Variants in NUDT2 observed in about 807,000 individuals in gnomAD.
NUDT2 encodes bis(5'-nucleosyl)-tetraphosphatase [asymmetrical].
A neutral mutation model predicts 14.2 loss-of-function variants in NUDT2; 12 were observed. That is an observed-to-expected ratio of 0.84 (90% CI 0.54 to 1.37). The LOEUF (loss-of-function observed/expected upper bound fraction) is 1.37, where lower values mean the gene tolerates loss of function less well. Ranked by LOEUF, NUDT2 falls within the 40% of genes most tolerant of loss-of-function variation. NUDT2 has a pLI of 0.00. For synonymous variants in NUDT2, 67 were observed against 67.4 expected, an observed-to-expected ratio of 0.99 and a Z score of 0.03; for missense variants, 167 against 176.7, an observed-to-expected ratio of 0.95 and a Z score of 0.31.
intron 1 of NUDT2, among the ~76,000 whole-genome samples, chr9:34,333,727 C>G (rs767239760): frequency 3.3e-5 from 5 of 149,760 alleles, no homozygotes; most frequent in Non-Finnish European, 7.4e-5. Context: ...TGTCCTCTCT[C>G]AGGGCCATTT....
At chr9:34,339,769 A>G (rs1366786115) in intron 4 of NUDT2, among the ~76,000 whole-genome samples, 2 of 152,038 alleles carry the variant, frequency 1.3e-5, no homozygotes, top group Non-Finnish European at 2.9e-5. Context: ...CTTGAGCTCG[A>G]GAGATCAAAG....
chr9:34,341,630 C>T (rs112207546), intron 4 of NUDT2, among the ~76,000 whole-genome samples: 22 of 152,230 alleles, frequency 1.4e-4, no homozygotes, highest in Non-Finnish European at 5.9e-5. Flanking sequence ...CTGCCTCAGC[C>T]TCCCGAGTAG....
In NUDT2 at chr9:34,342,405, T is replaced by C. The variant is rs202129277; in HGVS notation, c.128-719T>C. ...TCCTCGTCAGCTAACTTCCACTTGT[T>C]AAGAAAGGACTTCCCCCTCCTTGGA... On this transcript the variant is annotated intron_variant, in intron 4 of 4. Transcript: ENST00000379158. Among the ~76,000 whole-genome samples, 4 of 152,264 alleles carry C rather than the reference T, an allele frequency of 2.6e-5. No individual in the cohort carries two copies. In the East Asian group the frequency reaches 7.7e-4, roughly 29 times the overall value.
At chr9:34,330,421 A>C (rs1837876392) in intron 1 of NUDT2, among the ~76,000 whole-genome samples, 2 of 151,108 alleles carry the variant, frequency 1.3e-5, no homozygotes, top group African/African-American at 4.9e-5. Context: ...AAAACAAAAC[A>C]AAAAAAAACT....
At chr9:34,340,365 A>C (rs1425743540) in intron 4 of NUDT2, among the ~76,000 whole-genome samples, 1 of 152,150 alleles carries the variant, frequency 6.6e-6, no homozygotes. Flanking sequence ...TTGTGGCAGG[A>C]GTGGAGGAGT....
At chr9:34,339,198 C>G in intron 4 of NUDT2, 32 bp downstream of exon 4, 2 of 1,600,902 alleles carry the variant, frequency 1.2e-6, no homozygotes, top group Non-Finnish European at 1.7e-6. Context: ...TCTTGGGAAA[C>G]TGCCAACCAC....
chr9:34,338,874 C>T (rs1838165393), intron 3 of NUDT2, 27 bp downstream of exon 3: 1 of 577,364 alleles, frequency 1.7e-6, no homozygotes, highest in East Asian at 2.9e-5. Flanking sequence ...TGGATGCCTT[C>T]CATTGGTCCT....
intron 4 of NUDT2, among the ~76,000 whole-genome samples, chr9:34,342,820 C>T (rs1820224939): frequency 6.6e-6 from 1 of 151,852 alleles, no homozygotes; most frequent in Non-Finnish European, 1.5e-5. Context: ...AGTTTGAGAC[C>T]AGCCTGGGAA....
At chr9:34,342,163 T>G (rs975816204) in intron 4 of NUDT2, among the ~76,000 whole-genome samples, 6 of 152,256 alleles carry the variant, frequency 3.9e-5, no homozygotes, top group Non-Finnish European at 8.8e-5. Flanking sequence ...GGTTCTCAGC[T>G]GGCCCTTAGT....
chr9:34,337,199 C>T (rs1265496571), intron 2 of NUDT2, among the ~76,000 whole-genome samples: 1 of 151,988 alleles, frequency 6.6e-6, no homozygotes, highest in Non-Finnish European at 1.5e-5. Flanking sequence ...GGGGTTTCTC[C>T]ATGTTAGTCA....
At chr9:34,334,735 CTG>C (rs1415486334) in intron 1 of NUDT2, among the ~76,000 whole-genome samples, 1 of 152,234 alleles carries the variant, frequency 6.6e-6, no homozygotes, top group African/African-American at 2.4e-5. Context: ...AGCTTATAAT[CTG>C]TCTCTTCCCT....
At chr9:34,342,594 G>T (rs989829501) in intron 4 of NUDT2, among the ~76,000 whole-genome samples, 2 of 152,156 alleles carry the variant, frequency 1.3e-5, no homozygotes, top group African/African-American at 4.8e-5. Flanking sequence ...TTCACTCTCT[G>T]CAGAGAAGAG....
intron 1 of NUDT2, among the ~76,000 whole-genome samples, chr9:34,333,722 T>A (rs1417536805): frequency 2.0e-5 from 3 of 148,400 alleles, no homozygotes; most frequent in African/African-American, 7.4e-5. Context: ...TTGTCTGTCC[T>A]CTCTCAGGGC....
chr9:34,337,247 G>A (rs887935191), intron 2 of NUDT2, among the ~76,000 whole-genome samples: 3 of 152,008 alleles, frequency 2.0e-5, no homozygotes, highest in East Asian at 1.9e-4. Flanking sequence ...TGATCTACCC[G>A]CCTTGGCCTC....
At chr9:34,339,782 G>A (rs940510531) in intron 4 of NUDT2, among the ~76,000 whole-genome samples, 2 of 152,098 alleles carry the variant, frequency 1.3e-5, no homozygotes, top group Admixed American at 1.3e-4. Context: ...GATCAAAGCT[G>A]CAGTGAGCCG....
chr9:34,337,882 A>G (rs1395094899), intron 2 of NUDT2, among the ~76,000 whole-genome samples: 2 of 151,856 alleles, frequency 1.3e-5, no homozygotes, highest in East Asian at 3.9e-4. Flanking sequence ...TCTGTCGCCA[A>G]GCTGGAGTGC....
At chr9:34,332,723 C>T (rs1837979248) in intron 1 of NUDT2, among the ~76,000 whole-genome samples, 1 of 152,198 alleles carries the variant, frequency 6.6e-6, no homozygotes, top group African/African-American at 2.4e-5. Flanking sequence ...AATGACTCAG[C>T]AGCTTCGTCT....
At chr9:34,338,355 A>AAAAAAAAAAAAT (rs1223787360) in intron 2 of NUDT2, among the ~76,000 whole-genome samples, 1 of 138,308 alleles carries the variant, frequency 7.2e-6, no homozygotes, top group African/African-American at 2.6e-5. Context: ...AAAAAAAAAA[A>AAAAAAAAAAAAT]AATTGGCCAG....
chr9:34,338,842 A>G lies in NUDT2; in HGVS notation c.-22A>G. ...AGTTGCCAGGGTCCTGCAGTTATACACAAAGGTCAGTCTCTGATTCCTGGA... is the reference window on the plus strand; with the variant it reads ...AGTTGCCAGGGTCCTGCAGTTATACGCAAAGGTCAGTCTCTGATTCCTGGA... On this transcript the variant is annotated 5_prime_UTR_variant, in exon 3 of 5. Coordinates refer to ENST00000379158, the MANE Select transcript of NUDT2 (RefSeq NM_001161.5). The G allele has an allele frequency of 2.1e-6, 1 of 485,580 alleles. No individual in the cohort carries two copies. The highest frequency in any genetic ancestry group is 3.3e-5 in the East Asian group (1 of 30,368). The allele number at this position is 485,580 out of a possible 1,614,324, so 30.1% of individuals were successfully genotyped here.
Sources: gnomAD v4.1 joint callset for allele counts (sites outside exome capture counted in the v4.1 genomes callset) on GRCh38, gnomAD v4.1.1 for gene constraint, MANE v1.5 for transcripts, NCBI Gene and HGNC (gene_info 2026-07-23, HGNC 2026-07-21) for gene names.